The following FBXL20 variants were observed in gnomAD, a reference collection of about 807,000 sequenced individuals.
FBXL20 encodes the protein F-box and leucine rich repeat protein 20.
Under a neutral mutation model 64.0 loss-of-function variants are expected in FBXL20, and 11 were observed. That is an observed-to-expected ratio of 0.17 (90% CI 0.11 to 0.28). The LOEUF (loss-of-function observed/expected upper bound fraction) is 0.28, where lower values mean the gene tolerates loss of function less well. Among genes scored for constraint, FBXL20 ranks in the 10% least tolerant of loss-of-function variants. The probability of loss-of-function intolerance (pLI) is 1.00; values close to 1 mark genes in which losing one functional copy is unlikely to be tolerated. For missense variants in FBXL20, 303 were observed against 526.2 expected (o/e 0.58, Z 4.15); for synonymous variants, 184 against 189.0 (o/e 0.97, Z 0.22).
At chr17:39,295,784 G>GAGATATATATATATATATAT (rs758714135) in intron 6 of FBXL20, among the ~76,000 whole-genome samples, 4 of 137,098 alleles carry the variant, frequency 2.9e-5, no homozygotes, top group African/African-American at 5.3e-5. Flanking sequence ...CAAATATGGA[G>GAGATATATATATATATATAT]ATATATATAT....
intron 12 of FBXL20, 73 bp downstream of exon 12, chr17:39,268,754 T>C (rs542836234): frequency 7.6e-7 from 1 of 1,310,342 alleles, no homozygotes; most frequent in Admixed American, 1.8e-5. Context: ...GGTAGGGAAT[T>C]GCACATTCTG....
At chr17:39,337,545 C>G (rs9796304) in intron 2 of FBXL20, among the ~76,000 whole-genome samples, 1 of 150,802 alleles carries the variant, frequency 6.6e-6, no homozygotes, top group South Asian at 2.1e-4. Context: ...GTGGGGAGCG[C>G]CTCTGCCCCG....
chr17:39,344,414 C>A (rs1432747859), intron 1 of FBXL20, among the ~76,000 whole-genome samples: 1 of 151,918 alleles, frequency 6.6e-6, no homozygotes. Context: ...TTTTAATATG[C>A]CATTAAGAGA....
chr17:39,399,532 G>A (rs950891737), intron 1 of FBXL20, among the ~76,000 whole-genome samples: 1 of 152,084 alleles, frequency 6.6e-6, no homozygotes, highest in Non-Finnish European at 1.5e-5. Flanking sequence ...TTCCGGCATG[G>A]AACACTTCAC....
intron 1 of FBXL20, among the ~76,000 whole-genome samples, chr17:39,391,310 G>A (rs2048131534): frequency 6.6e-6 from 1 of 151,038 alleles, no homozygotes; most frequent in South Asian, 2.1e-4. Flanking sequence ...ATCGAAAGCA[G>A]TATATAGGAT....
At chr17:39,348,086 CT>C (rs3079636) in intron 1 of FBXL20, among the ~76,000 whole-genome samples, 271 of 143,444 alleles carry the variant, frequency 1.9e-3, no homozygotes, top group Middle Eastern at 3.9e-3. Flanking sequence ...TTGGGTTCGT[CT>C]TTTTTTTTTT....
At chr17:39,295,158 G>T (rs1334274144) in intron 6 of FBXL20, among the ~76,000 whole-genome samples, 1 of 152,076 alleles carries the variant, frequency 6.6e-6, no homozygotes, top group African/African-American at 2.4e-5. Flanking sequence ...GCTGGGTGAT[G>T]GGCTCATTAC....
intron 2 of FBXL20, among the ~76,000 whole-genome samples, chr17:39,330,178 T>C (rs533188787): frequency 6.6e-6 from 1 of 151,776 alleles, no homozygotes; most frequent in South Asian, 2.1e-4. Context: ...CTGCCTGTAA[T>C]CCCAGCTACT....
intron 2 of FBXL20, among the ~76,000 whole-genome samples, chr17:39,313,212 C>T (rs941002894): frequency 5.9e-5 from 9 of 151,338 alleles, no homozygotes; most frequent in Admixed American, 4.6e-4. Context: ...CCACAGTGCC[C>T]GGCCATCTTT....
intron 2 of FBXL20, among the ~76,000 whole-genome samples, chr17:39,336,504 G>A (rs2047523183): frequency 6.6e-6 from 1 of 152,150 alleles, no homozygotes; most frequent in Non-Finnish European, 1.5e-5. Flanking sequence ...AGATGGGAAA[G>A]CTCTACCTTA....
chr17:39,384,819 G>A (rs900028663), intron 1 of FBXL20, among the ~76,000 whole-genome samples: 8 of 152,018 alleles, frequency 5.3e-5, no homozygotes, highest in Admixed American at 3.3e-4. Context: ...TTAGCTGGGC[G>A]TGGTGGTGTA....
intron 6 of FBXL20, among the ~76,000 whole-genome samples, chr17:39,291,344 T>C (rs2047036647): frequency 6.6e-6 from 1 of 151,940 alleles, no homozygotes; most frequent in Non-Finnish European, 1.5e-5. Flanking sequence ...TTTTCTTCCT[T>C]TTTGGTAGGT....
intron 2 of FBXL20, among the ~76,000 whole-genome samples, chr17:39,339,726 C>CA (rs1299901905): frequency 7.9e-5 from 12 of 152,000 alleles, no homozygotes; most frequent in Non-Finnish European, 1.5e-4. Flanking sequence ...CAGCTCACTG[C>CA]AACCTCCACC....
At chr17:39,381,395 A>G (rs571917702) in intron 1 of FBXL20, among the ~76,000 whole-genome samples, 1 of 148,726 alleles carries the variant, frequency 6.7e-6, no homozygotes, top group Non-Finnish European at 1.5e-5. Context: ...CAGGAGGATC[A>G]CTTGAGCCCA....
chr17:39,280,486 C>T (rs2046940146), intron 9 of FBXL20, among the ~76,000 whole-genome samples: 1 of 151,480 alleles, frequency 6.6e-6, no homozygotes, highest in Admixed American at 6.6e-5. Context: ...TCGCTTGAGC[C>T]TAGGAGGTGG....
chr17:39,257,988 G>T lies in FBXL20; in HGVS notation c.*3472C>A, dbSNP rs192087285. 4.5e-4 allele frequency: 68 copies of T among 152,574 alleles called. No individual in the cohort carries two copies. The highest frequency in any genetic ancestry group is 1.6e-3 in the African/African-American group (65 of 41,568). 9.5% of individuals were successfully genotyped at this position (152,574 alleles called of 1,614,324 possible). On this transcript the variant is annotated 3_prime_UTR_variant, in exon 15 of 15. Coordinates refer to ENST00000264658, the MANE Select transcript of FBXL20 (RefSeq NM_032875.3). Reference sequence around the variant, plus strand: ...TAGGGGAAAAACTGCTTAGAAAAGAGATGATTTGGATGTTCAAGAACTTTC... The same window carrying T: ...TAGGGGAAAAACTGCTTAGAAAAGATATGATTTGGATGTTCAAGAACTTTC...
chr17:39,302,808 C>A (rs1042663815), intron 3 of FBXL20, among the ~76,000 whole-genome samples: 4 of 152,180 alleles, frequency 2.6e-5, no homozygotes, highest in African/African-American at 7.2e-5. Context: ...CCAGGCCCAG[C>A]CTTAGTTCAG....
At chr17:39,402,105 G>A, upstream of FBXL20, 1 of 1,214,042 alleles carries the variant, frequency 8.2e-7, no homozygotes, top group Non-Finnish European at 1.0e-6. Context: ...CTCGTCACTT[G>A]TTCCCCAGGA....
intron 1 of FBXL20, among the ~76,000 whole-genome samples, chr17:39,375,184 T>C (rs2047955332): frequency 6.6e-6 from 1 of 152,054 alleles, no homozygotes; most frequent in African/African-American, 2.4e-5. Context: ...ATAAAAAAAG[T>C]GACGAGGAGA....
Sources: gnomAD v4.1 joint callset for allele counts (sites outside exome capture counted in the v4.1 genomes callset) on GRCh38, gnomAD v4.1.1 for gene constraint, MANE v1.5 for transcripts, NCBI Gene and HGNC (gene_info 2026-07-23, HGNC 2026-07-21) for gene names.